The following HERC4 variants were observed in gnomAD, a reference collection of about 807,000 sequenced individuals.
HERC4 encodes HECT and RLD domain containing E3 ubiquitin protein ligase 4, also known as probable E3 ubiquitin-protein ligase HERC4.
Under a neutral mutation model 124.3 loss-of-function variants are expected in HERC4, and 28 were observed. That is an observed-to-expected ratio of 0.23 (90% CI 0.17 to 0.31). The LOEUF is 0.31. HERC4 is among the 10% of genes least tolerant of loss of function. HERC4 has a pLI of 1.00. For missense variants in HERC4, 713 were observed against 1,229.3 expected (o/e 0.58, Z 6.28); for synonymous variants, 407 against 421.5 (o/e 0.97, Z 0.42).
At chr10:67,924,389 T>A (rs962805896) in intron 24 of HERC4, among the ~76,000 whole-genome samples, 4 of 152,178 alleles carry the variant, frequency 2.6e-5, no homozygotes, top group African/African-American at 9.7e-5. Context: ...CTAGACAGTA[T>A]ATAGTCTACT....
At chr10:68,062,155 C>T (rs2041058607) in intron 3 of HERC4, among the ~76,000 whole-genome samples, 1 of 152,038 alleles carries the variant, frequency 6.6e-6, no homozygotes, top group Admixed American at 6.6e-5. Flanking sequence ...CACATTTAGC[C>T]CTGATCTTTC....
intron 23 of HERC4, among the ~76,000 whole-genome samples, chr10:67,926,544 C>A (rs1008293789): frequency 6.6e-6 from 1 of 152,140 alleles, no homozygotes; most frequent in Admixed American, 6.5e-5. Flanking sequence ...TCTTCAGATG[C>A]GTCAGGTCCT....
chr10:67,975,886 A>G (rs2035556628), intron 15 of HERC4, among the ~76,000 whole-genome samples: 1 of 152,194 alleles, frequency 6.6e-6, no homozygotes, highest in African/African-American at 2.4e-5. Context: ...GAAACTGACC[A>G]GAGTTATACT....
At chr10:68,002,103 G>A (rs996589270) in intron 9 of HERC4, among the ~76,000 whole-genome samples, 2 of 151,970 alleles carry the variant, frequency 1.3e-5, no homozygotes, top group African/African-American at 4.8e-5. Context: ...AGTTTCGAAG[G>A]TGCCAAAATG....
At chr10:67,948,902 C>T (rs1439974183) in intron 19 of HERC4, among the ~76,000 whole-genome samples, 1 of 151,242 alleles carries the variant, frequency 6.6e-6, no homozygotes, top group Non-Finnish European at 1.5e-5. Context: ...GCCTGGGTGA[C>T]AGAGCAAGAC....
intron 7 of HERC4, among the ~76,000 whole-genome samples, chr10:68,027,450 T>A (rs1043213060): frequency 6.6e-6 from 1 of 152,224 alleles, no homozygotes; most frequent in Non-Finnish European, 1.5e-5. Context: ...CAAATGTGTA[T>A]CTTCAACAGC....
intron 17 of HERC4, 51 bp downstream of exon 17, chr10:67,956,827 A>T: frequency 8.3e-7 from 1 of 1,205,026 alleles, no homozygotes; most frequent in Non-Finnish European, 1.2e-6. Flanking sequence ...TACTGTCCAG[A>T]AACATCAAAG....
intron 9 of HERC4, among the ~76,000 whole-genome samples, chr10:68,008,975 C>T (rs1347170333): frequency 9.9e-5 from 15 of 152,136 alleles, no homozygotes; most frequent in African/African-American, 3.6e-4. Context: ...AATCCCAGCA[C>T]TTTAAGAGGC....
At chr10:68,028,579 C>T (rs1463949621) in intron 7 of HERC4, among the ~76,000 whole-genome samples, 1 of 152,118 alleles carries the variant, frequency 6.6e-6, no homozygotes, top group African/African-American at 2.4e-5. Context: ...CTACAACAAT[C>T]AAGGGATTAT....
intron 7 of HERC4, among the ~76,000 whole-genome samples, chr10:68,030,467 T>C (rs901825850): frequency 2.0e-5 from 3 of 152,022 alleles, no homozygotes; most frequent in African/African-American, 7.2e-5. Flanking sequence ...CAAACAAATA[T>C]ACATGGCATA....
In HERC4 at chr10:67,922,265, G is replaced by C. The variant is rs148601321; in HGVS notation, c.*666C>G. The stretch of plus-strand genomic sequence containing the variant: ...TCGACAATCCCCCATCTATCAGTGT[G>C]TCAGGATTCACAAAGAAAAGAACTG... On this transcript the variant is annotated 3_prime_UTR_variant, in exon 25 of 25. Coordinates refer to ENST00000373700, the MANE Select transcript of HERC4 (RefSeq NM_015601.4). 1 of 152,124 alleles carries C rather than the reference G, an allele frequency of 6.6e-6. No individual in the cohort carries two copies. The highest frequency in any genetic ancestry group is 2.4e-5 in the African/African-American group (1 of 41,452). 9.4% of individuals were successfully genotyped at this position (152,124 alleles called of 1,614,324 possible).
chr10:67,948,981 C>T (rs1313156803), intron 19 of HERC4, among the ~76,000 whole-genome samples: 2 of 146,176 alleles, frequency 1.4e-5, no homozygotes, highest in Non-Finnish European at 3.0e-5. Flanking sequence ...TGGCCAGGCG[C>T]GGTGGCTCAC....
chr10:67,935,973 T>G (rs2032323508), intron 22 of HERC4, among the ~76,000 whole-genome samples, 180 bp downstream of exon 22: 1 of 152,212 alleles, frequency 6.6e-6, no homozygotes, highest in South Asian at 2.1e-4. Context: ...TTCTCCCTTC[T>G]CTTTGTTTTA....
At position 68,055,944 on chromosome 10, in the gene HERC4, G is replaced by A. The variant is rs113913773; in HGVS notation, c.227-11381C>T. Among the ~76,000 whole-genome samples the A allele has an allele frequency of 3.3e-5, 5 of 152,060 alleles. 1 individual carries two copies. Among genetic ancestry groups the A allele is most frequent in the African/African-American group, 7.2e-5 (3 of 41,488 alleles). On this transcript the variant is annotated intron_variant, in intron 3 of 24. Coordinates refer to ENST00000373700, the MANE Select transcript of HERC4 (RefSeq NM_015601.4). ...TTTTTGTATTTTTAGTAGAGGGGGG[G>A]TTTCACCATGTTGGACCAGGCTGGT...
intron 9 of HERC4, among the ~76,000 whole-genome samples, chr10:68,008,534 G>GT (rs1297169020): frequency 6.6e-6 from 1 of 152,198 alleles, no homozygotes; most frequent in East Asian, 1.9e-4. Flanking sequence ...CTGCTGACCG[G>GT]TTGGGGATGT....
intron 9 of HERC4, among the ~76,000 whole-genome samples, chr10:67,998,374 C>T (rs983512546): frequency 6.0e-5 from 9 of 151,174 alleles, no homozygotes; most frequent in Non-Finnish European, 1.3e-4. Context: ...ATGGTGAAAC[C>T]CCATCTCTAC....
chr10:68,020,031 T>C (rs2038514923), intron 8 of HERC4, among the ~76,000 whole-genome samples: 1 of 152,200 alleles, frequency 6.6e-6, no homozygotes, highest in African/African-American at 2.4e-5. Flanking sequence ...ATTTAAGGTC[T>C]ACAACATTAA....
At chr10:68,020,194 G>A (rs1442180986) in intron 8 of HERC4, among the ~76,000 whole-genome samples, 2 of 152,072 alleles carry the variant, frequency 1.3e-5, no homozygotes, top group East Asian at 3.9e-4. Context: ...AGCAAACTCT[G>A]GCAAAGGGGG....
At position 68,067,490 on chromosome 10, in the gene HERC4, G is replaced by A. The variant is rs1356365834; in HGVS notation, c.226+5393C>T. Reference sequence around the variant, plus strand: ...TAAATGTTCTGGTTCAGTAAGAAATGTGTGGGATAATCTGGTATTTTTATT... The same window carrying A: ...TAAATGTTCTGGTTCAGTAAGAAATATGTGGGATAATCTGGTATTTTTATT... On this transcript the variant is annotated intron_variant, in intron 3 of 24. Transcript: ENST00000373700. Among the ~76,000 whole-genome samples the A allele has an allele frequency of 3.9e-5, 6 of 152,226 alleles. No homozygotes were observed. In the South Asian group the frequency reaches 8.3e-4, roughly 21 times the overall value.
Sources: gnomAD v4.1 joint callset for allele counts (sites outside exome capture counted in the v4.1 genomes callset) on GRCh38, gnomAD v4.1.1 for gene constraint, MANE v1.5 for transcripts, NCBI Gene and HGNC (gene_info 2026-07-23, HGNC 2026-07-21) for gene names.